Variants in GRB10 observed in about 807,000 individuals in gnomAD.
The protein encoded by GRB10 is growth factor receptor-bound protein 10.
In GRB10, 20 loss-of-function variants were observed where a neutral mutation model predicts 80.9. That is an observed-to-expected ratio of 0.25 (90% confidence interval 0.17 to 0.36). The LOEUF (loss-of-function observed/expected upper bound fraction) is 0.36. GRB10 is among the 10% of genes least tolerant of loss of function. GRB10 has a pLI of 1.00. For missense variants in GRB10, 548 were observed against 747.7 expected (o/e 0.73, Z 3.12); for synonymous variants, 291 against 291.5 (o/e 1.00, Z 0.02).
At chr7:50,596,628 G>A (rs554746227) in intron 17 of GRB10, among the ~76,000 whole-genome samples, 1 of 152,314 alleles carries the variant, frequency 6.6e-6, no homozygotes, top group African/African-American at 2.4e-5. Flanking sequence ...AGGTACTGTG[G>A]TTATAGAAGT....
chr7:50,619,063 C>T, intron 9 of GRB10, 107 bp downstream of exon 9: 1 of 728,936 alleles, frequency 1.4e-6, no homozygotes. Context: ...AACCCATATG[C>T]TACACCATGC....
intron 4 of GRB10, chr7:50,705,237 G>A: frequency 1.0e-6 from 1 of 985,174 alleles, no homozygotes; most frequent in South Asian, 4.7e-5. Flanking sequence ...GACTCCAGCA[G>A]GGTCAGCTCA....
At chr7:50,596,523 G>T (rs1255241364) in intron 17 of GRB10, among the ~76,000 whole-genome samples, 1 of 152,240 alleles carries the variant, frequency 6.6e-6, no homozygotes, top group Non-Finnish European at 1.5e-5. Flanking sequence ...GATTTAGGAT[G>T]AAGATGTTCT....
chr7:50,663,068 G>A (rs1048034484), intron 7 of GRB10, among the ~76,000 whole-genome samples: 1 of 152,224 alleles, frequency 6.6e-6, no homozygotes, highest in African/African-American at 2.4e-5. Flanking sequence ...CGCTGTCCCT[G>A]CTCCACGGGT....
intron 7 of GRB10, among the ~76,000 whole-genome samples, chr7:50,627,488 C>T (rs575980412): frequency 3.3e-5 from 5 of 152,336 alleles, no homozygotes; most frequent in African/African-American, 9.6e-5. Flanking sequence ...CCTCACCCCT[C>T]ACAGACACTG....
intron 1 of GRB10, among the ~76,000 whole-genome samples, chr7:50,789,179 CA>C (rs1011065544): frequency 6.6e-6 from 1 of 152,186 alleles, no homozygotes; most frequent in Admixed American, 6.5e-5. Context: ...CAGATAAATT[CA>C]AACAAGATTT....
chr7:50,770,148 C>A (rs1336867512), intron 2 of GRB10, among the ~76,000 whole-genome samples: 1 of 152,302 alleles, frequency 6.6e-6, no homozygotes, highest in East Asian at 1.9e-4. Flanking sequence ...TAGACTCAGG[C>A]GACTGAAGCT....
At chr7:50,710,139 C>T (rs1263636107) in intron 4 of GRB10, among the ~76,000 whole-genome samples, 2 of 152,132 alleles carry the variant, frequency 1.3e-5, no homozygotes, top group African/African-American at 4.8e-5. Flanking sequence ...CCTTACCCAG[C>T]AGCCCTGCTT....
At chr7:50,632,853 G>A (rs1314695092) in intron 7 of GRB10, among the ~76,000 whole-genome samples, 1 of 152,156 alleles carries the variant, frequency 6.6e-6, no homozygotes, top group African/African-American at 2.4e-5. Context: ...CCAGTGGCCT[G>A]AGAGGTGTCC....
At chr7:50,613,095 G>T (rs1202172639) in intron 12 of GRB10, among the ~76,000 whole-genome samples, 1 of 152,186 alleles carries the variant, frequency 6.6e-6, no homozygotes, top group South Asian at 2.1e-4. Flanking sequence ...CATCCTTTGG[G>T]AACTTCAGAG....
At chr7:50,735,719 A>T (rs2070684118) in intron 3 of GRB10, among the ~76,000 whole-genome samples, 1 of 152,224 alleles carries the variant, frequency 6.6e-6, no homozygotes, top group Non-Finnish European at 1.5e-5. Flanking sequence ...AGACAGATTT[A>T]AAAAATTTTA....
chr7:50,673,579 T>A (rs899878705), intron 6 of GRB10, among the ~76,000 whole-genome samples: 1 of 151,828 alleles, frequency 6.6e-6, no homozygotes, highest in Non-Finnish European at 1.5e-5. Context: ...AAATCCCCCC[T>A]CCTTCTTCAT....
chr7:50,784,188 G>C (rs1481340651), upstream of GRB10, among the ~76,000 whole-genome samples: 2 of 152,196 alleles, frequency 1.3e-5, no homozygotes, highest in Non-Finnish European at 2.9e-5. Context: ...ATGTCACATA[G>C]TGAACATCGC....
exon 1 of GRB10, chr7:50,793,271 T>G (rs1240132457): frequency 7.1e-6 from 1 of 140,352 alleles, no homozygotes; most frequent in Admixed American, 7.0e-5. Context: ...CGGGCGACAC[T>G]CGGCGTGGCC....
rs556560279 is a variant in GRB10, at chr7:50,717,019, G to A, written c.52-13111C>T. 3.9e-4 allele frequency among the ~76,000 whole-genome samples: 60 copies of A among 152,306 alleles called. No individual in the cohort carries two copies. In the South Asian group the frequency reaches 0.011, roughly 28 times the overall value. ...TGCATTCCCGCTATTTGGCCGGGCT[G>A]GATAAGTCAACCAAAGTTTCTGAGC... On this transcript the variant is annotated intron_variant, in intron 4 of 18. Transcript: ENST00000401949.
At chr7:50,717,472 C>T (rs1164451331) in intron 4 of GRB10, among the ~76,000 whole-genome samples, 1 of 152,000 alleles carries the variant, frequency 6.6e-6, no homozygotes, top group Admixed American at 6.6e-5. Context: ...TGTGTGCATG[C>T]GCATGCGTCA....
At chr7:50,645,538 C>T in intron 7 of GRB10, 1 of 847,054 alleles carries the variant, frequency 1.2e-6, no homozygotes, top group Non-Finnish European at 1.4e-6. Context: ...TGCTGAGCAC[C>T]AGCTCAGAAG....
intron 10 of GRB10, among the ~76,000 whole-genome samples, chr7:50,617,121 A>C (rs778458306): frequency 6.6e-6 from 1 of 152,102 alleles, no homozygotes; most frequent in Non-Finnish European, 1.5e-5. Flanking sequence ...TTAAAACAGA[A>C]TCTGCTATTT....
At chr7:50,646,149 C>T (rs926336427) in intron 7 of GRB10, among the ~76,000 whole-genome samples, 5 of 152,176 alleles carry the variant, frequency 3.3e-5, no homozygotes, top group Non-Finnish European at 5.9e-5. Flanking sequence ...AAGCTGCAAA[C>T]AAAAGTAAGC....
Sources: gnomAD v4.1 joint callset for allele counts (sites outside exome capture counted in the v4.1 genomes callset) on GRCh38, gnomAD v4.1.1 for gene constraint, MANE v1.5 for transcripts, NCBI Gene and HGNC (gene_info 2026-07-23, HGNC 2026-07-21) for gene names.